The following DDX59 variants were observed in gnomAD, a reference collection of about 807,000 sequenced individuals.
DDX59 encodes DEAD-box helicase 59, also known as probable ATP-dependent RNA helicase DDX59.
DDX59 carries 30 observed loss-of-function variants against 51.9 expected under a neutral mutation model. The observed-to-expected ratio is 0.58, with a 90% CI of 0.43 to 0.78. DDX59 has a LOEUF of 0.78. Ranked by LOEUF, DDX59 falls within the 30% of genes least tolerant of loss-of-function variation. The probability of loss-of-function intolerance (pLI) is 0.00; values close to 1 mark genes in which losing one functional copy is unlikely to be tolerated. For missense variants in DDX59, 672 were observed against 730.8 expected (o/e 0.92, Z 0.93); for synonymous variants, 255 against 253.3 (o/e 1.01, Z -0.06).
At chr1:200,656,360 G>A (rs867804227) in intron 4 of DDX59, among the ~76,000 whole-genome samples, 7 of 152,106 alleles carry the variant, frequency 4.6e-5, no homozygotes, top group Non-Finnish European at 1.0e-4. Context: ...TAGTACTTTT[G>A]TATCTCTGTA....
Position 200,663,931 on chromosome 1 carries a change from T to C in DDX59, c.960A>G (p.Gln320=), listed in dbSNP as rs1411774335. 1 of 1,610,860 alleles carries C rather than the reference T, an allele frequency of 6.2e-7. No individual in the cohort carries two copies. Among genetic ancestry groups the C allele is most frequent in the East Asian group, 2.2e-5 (1 of 44,852 alleles). ...AATCAGTGCTTACCTTAACATGTTGTTGCAGACGATAAAGCTGTGGGGGTA... is the reference window on the plus strand; with the variant it reads ...AATCAGTGCTTACCTTAACATGTTGCTGCAGACGATAAAGCTGTGGGGGTA... The part of the protein sequence containing the change: ...LPLPPQLYRL[Q]QHVKVIIATP... Residue 320 remains glutamine, a synonymous_variant, in exon 3 of 8, where the codon CAA becomes CAG. Coordinates refer to ENST00000331314, the MANE Select transcript of DDX59 (RefSeq NM_001031725.6).
intron 7 of DDX59, 91 bp downstream of exon 7, chr1:200,648,348 T>TA: frequency 6.4e-7 from 1 of 1,561,198 alleles, no homozygotes; most frequent in Non-Finnish European, 8.7e-7. Flanking sequence ...TCCTGGCCGA[T>TA]ACTGCTTTCT....
intron 3 of DDX59, among the ~76,000 whole-genome samples, chr1:200,660,351 G>A (rs550754885): frequency 6.6e-6 from 1 of 152,264 alleles, no homozygotes; most frequent in South Asian, 2.1e-4. Flanking sequence ...CTGAACAGAG[G>A]TTTTGGTTAT....
chr1:200,642,159 A>G (rs1661067416), downstream of DDX59, among the ~76,000 whole-genome samples: 1 of 152,234 alleles, frequency 6.6e-6, no homozygotes, highest in Non-Finnish European at 1.5e-5. Context: ...GTTTGCTTCA[A>G]TCTGGCAATA....
chr1:200,664,281 C>CACATTTCTTACAGAATAAACCCATTCTT (rs1662571979), intron 2 of DDX59, among the ~76,000 whole-genome samples, 195 bp from the exon 3 acceptor site: 2 of 152,154 alleles, frequency 1.3e-5, no homozygotes, highest in Non-Finnish European at 2.9e-5. Context: ...TCTTACATAA[C>CACATTTCTTACAGAATAAACCCATTCTT]ACAGAATACA....
At position 200,650,424 on chromosome 1, in the gene DDX59, C is replaced by A; in HGVS notation, c.1314+1G>T. Reference sequence around the variant, plus strand: ...ACATAGTTAACTGCTTTACTACTCACATTTAAAATTTCAAATAATTTTTTC... The same window carrying A: ...ACATAGTTAACTGCTTTACTACTCAAATTTAAAATTTCAAATAATTTTTTC... On this transcript the variant is annotated splice_donor_variant, in intron 5 of 7. Transcript: ENST00000331314. LOFTEE classifies it high-confidence loss of function. The A allele has an allele frequency of 1.2e-6, 2 of 1,610,828 alleles. No homozygotes were observed.
chr1:200,662,757 G>T (rs16847099), intron 3 of DDX59, among the ~76,000 whole-genome samples: 18,065 of 152,164 alleles, frequency 0.12, 1,572 homozygotes, highest in East Asian at 0.42. Context: ...TTATCCATTC[G>T]TTGCAATGAA....
chr1:200,666,291 A>G lies in DDX59; in HGVS notation c.450T>C (p.Asn150=). ...CTGGCTCAGAATCAGCCTTCTGTGGATTGCTGAGTTTTGATTTCTCTTCCT... is the reference window on the plus strand; with the variant it reads ...CTGGCTCAGAATCAGCCTTCTGTGGGTTGCTGAGTTTTGATTTCTCTTCCT... ...KEKEEKSKLS[N]PQKADSEPES... is the part of the protein sequence containing the mutation. Residue 150 remains asparagine (N), a synonymous_variant, in exon 2 of 8, where the codon AAT becomes AAC. Coordinates refer to ENST00000331314, the MANE Select transcript of DDX59 (RefSeq NM_001031725.6). The G allele has an allele frequency of 6.2e-7, 1 of 1,614,164 alleles. No individual in the cohort carries two copies. Among genetic ancestry groups the G allele is most frequent in the Non-Finnish European group, 8.5e-7 (1 of 1,180,042 alleles).
At chr1:200,661,837 G>C (rs887449509) in intron 3 of DDX59, among the ~76,000 whole-genome samples, 6 of 152,224 alleles carry the variant, frequency 3.9e-5, no homozygotes, top group African/African-American at 1.4e-4. Context: ...CAAATTGCAT[G>C]TCGAACTGTA....
At chr1:200,652,192 G>A (rs1309499355) in intron 4 of DDX59, among the ~76,000 whole-genome samples, 3 of 151,110 alleles carry the variant, frequency 2.0e-5, no homozygotes, top group South Asian at 4.2e-4. Flanking sequence ...TCTTGCTGTC[G>A]CACAGGCTGT....
At chr1:200,659,877 G>A (rs1008978498) in intron 3 of DDX59, among the ~76,000 whole-genome samples, 1 of 152,088 alleles carries the variant, frequency 6.6e-6, no homozygotes, top group African/African-American at 2.4e-5. Context: ...GCAGAGACAA[G>A]GTCTCTATGC....
At chr1:200,658,408 C>T in intron 4 of DDX59, among the ~76,000 whole-genome samples, 1 of 152,022 alleles carries the variant, frequency 6.6e-6, no homozygotes, top group Non-Finnish European at 1.5e-5. Flanking sequence ...AATTTAAAGG[C>T]CATCCTCTGG....
chr1:200,658,979 A>G (rs375676754), intron 4 of DDX59, 48 bp downstream of exon 4: 33 of 1,457,362 alleles, frequency 2.3e-5, no homozygotes, highest in Admixed American at 1.5e-4. Flanking sequence ...TATACTTTCC[A>G]TAAATTGTGT....
intron 2 of DDX59, among the ~76,000 whole-genome samples, chr1:200,665,532 G>C (rs1451703995): frequency 6.6e-6 from 1 of 151,464 alleles, no homozygotes; most frequent in East Asian, 1.9e-4. Flanking sequence ...GAAACTCTAT[G>C]TGTTCCAACT....
intron 3 of DDX59, among the ~76,000 whole-genome samples, chr1:200,661,887 G>A (rs1002780787): frequency 1.1e-4 from 16 of 152,308 alleles, no homozygotes; most frequent in South Asian, 4.2e-4. Context: ...GGAGGTGATT[G>A]GATCATGGGG....
At chr1:200,663,894 G>A in intron 3 of DDX59, 25 bp downstream of exon 3, 1 of 1,506,672 alleles carries the variant, frequency 6.6e-7, no homozygotes, top group Non-Finnish European at 8.9e-7. Flanking sequence ...ACTTTTCAAA[G>A]ACATTGTATC....
chr1:200,641,671 C>A (rs1044862089), downstream of DDX59, among the ~76,000 whole-genome samples: 2 of 151,608 alleles, frequency 1.3e-5, no homozygotes, highest in Admixed American at 6.6e-5. Context: ...GAGTTTGAGA[C>A]CAGCCTGGCC....
chr1:200,642,785 G>C (rs993167030), downstream of DDX59, among the ~76,000 whole-genome samples: 14 of 152,130 alleles, frequency 9.2e-5, no homozygotes, highest in African/African-American at 3.4e-4. Flanking sequence ...TGTGAGTTAG[G>C]GGCTCTTTCC....
Position 200,669,819 on chromosome 1 carries a change from C to T in DDX59, c.-64G>A, listed in dbSNP as rs367804812. On this transcript the variant is annotated 5_prime_UTR_variant, in exon 1 of 8. Transcript: ENST00000331314. ...CCCGCTCCCGCTCGGGCCGTCTCCC[C>T]CTTCCAGGCTCCAGGCCAGGCTTCC... The T allele has an allele frequency of 1.3e-5, 2 of 152,712 alleles. No individual in the cohort carries two copies. Among genetic ancestry groups the T allele is most frequent in the African/African-American group, 4.8e-5 (2 of 41,464 alleles). The allele number at this position is 152,712 out of a possible 1,614,324, so 9.5% of individuals were successfully genotyped here. A position where few individuals can be genotyped will look rare whatever the true frequency, so the allele number is the denominator to read the frequency against.
Sources: gnomAD v4.1 joint callset for allele counts (sites outside exome capture counted in the v4.1 genomes callset) on GRCh38, gnomAD v4.1.1 for gene constraint, MANE v1.5 for transcripts, NCBI Gene and HGNC (gene_info 2026-07-23, HGNC 2026-07-21) for gene names.